The following ZNF407 variants were observed in gnomAD, a reference collection of about 807,000 sequenced individuals.
ZNF407 encodes zinc finger protein 407.
ZNF407 carries 17 observed loss-of-function variants against 131.2 expected under a neutral mutation model. The ratio of observed to expected loss-of-function variants is 0.13; its 90% confidence interval spans 0.09 to 0.19. ZNF407 has a LOEUF of 0.19. Ranked by LOEUF, ZNF407 falls within the 10% of genes least tolerant of loss-of-function variation. The pLI is 1.00. For missense variants in ZNF407, 2,681 were observed against 2,830.6 expected (o/e 0.95, Z 1.20); for synonymous variants, 1,156 against 1,062.0 (o/e 1.09, Z -1.72).
At chr18:74,916,781 A>AGTGTGTGTGTGT (rs375090606) in intron 7 of ZNF407, among the ~76,000 whole-genome samples, 1,586 of 87,962 alleles carry the variant, frequency 0.018, 129 homozygotes, top group African/African-American at 0.07. Flanking sequence ...TCGAATCGGG[A>AGTGTGTGTGTGT]GTGTGTGTGT....
chr18:74,761,574 A>G (rs755191925), intron 3 of ZNF407, among the ~76,000 whole-genome samples: 3 of 152,172 alleles, frequency 2.0e-5, no homozygotes, highest in Non-Finnish European at 4.4e-5. Context: ...TATTTCACCC[A>G]TAGATGCAAG....
chr18:74,719,736 A>T (rs543784071), intron 3 of ZNF407, among the ~76,000 whole-genome samples: 2 of 152,216 alleles, frequency 1.3e-5, no homozygotes, highest in African/African-American at 4.8e-5. Context: ...ATCTTTTTTT[A>T]GCGTCCACAT....
chr18:74,701,065 C>T (rs886197074), intron 3 of ZNF407, among the ~76,000 whole-genome samples: 48 of 152,266 alleles, frequency 3.2e-4, no homozygotes, highest in African/African-American at 1.1e-3. Flanking sequence ...AGCTGTCTCT[C>T]TCCTCCTCCG....
chr18:74,646,500 G>A (rs1413524404), intron 3 of ZNF407, among the ~76,000 whole-genome samples: 2 of 151,964 alleles, frequency 1.3e-5, no homozygotes, highest in East Asian at 1.9e-4. Flanking sequence ...AATATTTTTT[G>A]TTGAATATTT....
Position 74,762,546 on chromosome 18 carries a change from G to T in ZNF407, c.4803-18882G>T, listed in dbSNP as rs9961155. Among the ~76,000 whole-genome samples, 620 of 151,950 alleles carry T rather than the reference G, an allele frequency of 4.1e-3. 4 individuals carry two copies. The highest frequency in any genetic ancestry group is 0.014 in the African/African-American group (582 of 41,460). Reference sequence around the variant, plus strand: ...CAAGATTATGATTATACCCATTACTGCCCCAAATTCCCATTTTTTCCATTG... The same window carrying T: ...CAAGATTATGATTATACCCATTACTTCCCCAAATTCCCATTTTTTCCATTG... On this transcript the variant is annotated intron_variant, in intron 3 of 8. Coordinates refer to ENST00000299687, the MANE Select transcript of ZNF407 (RefSeq NM_017757.3).
chr18:75,028,900 A>G (rs1973203278), intron 8 of ZNF407, among the ~76,000 whole-genome samples: 1 of 152,222 alleles, frequency 6.6e-6, no homozygotes, highest in Non-Finnish European at 1.5e-5. Context: ...TACGTGATGC[A>G]CCCATCTCTT....
intron 8 of ZNF407, among the ~76,000 whole-genome samples, chr18:74,954,060 G>T (rs528316444): frequency 1.3e-5 from 2 of 152,306 alleles, no homozygotes; most frequent in South Asian, 4.1e-4. Context: ...AGTCATTGTG[G>T]TACCTCAATT....
intron 3 of ZNF407, among the ~76,000 whole-genome samples, chr18:74,692,786 C>T (rs1304988101): frequency 6.6e-6 from 1 of 152,094 alleles, no homozygotes; most frequent in Non-Finnish European, 1.5e-5. Context: ...TCTTAGCTCT[C>T]CCCCAGAGAC....
chr18:74,640,577 G>A (rs1373608224), intron 2 of ZNF407, among the ~76,000 whole-genome samples: 3 of 152,096 alleles, frequency 2.0e-5, no homozygotes, highest in Admixed American at 6.6e-5. Flanking sequence ...CAAGGAGGTG[G>A]CCACAGAGAA....
chr18:74,728,375 G>A (rs1328260448), intron 3 of ZNF407, among the ~76,000 whole-genome samples: 1 of 152,196 alleles, frequency 6.6e-6, no homozygotes, highest in Non-Finnish European at 1.5e-5. Context: ...GTCACTTTCT[G>A]TGAGATGGAC....
chr18:74,634,822 C>T lies in ZNF407; in HGVS notation c.3803C>T (p.Thr1268Ile), dbSNP rs1421227718. The T allele has an allele frequency of 6.2e-7, 1 of 1,613,882 alleles. No individual in the cohort carries two copies. Among genetic ancestry groups the T allele is most frequent in the Non-Finnish European group, 8.5e-7 (1 of 1,179,860 alleles). The change falls in exon 2 of 9, where the codon ACA becomes ATA. Residue 1268 changes from threonine to isoleucine, a missense_variant. By Grantham distance (89) the Thr-to-Ile change is moderately conservative. This residue lies in a region of ZNF407 where 1,789 missense variants were observed against 1,748.7 expected (regional missense o/e 1.02). Coordinates refer to ENST00000299687, the MANE Select transcript of ZNF407 (RefSeq NM_017757.3). ...RSAESPVLVV[T>I]RITREQGNLE... is the part of the protein sequence containing the mutation. ...GCTGAAAGCCCTGTGCTCGTTGTGA[C>T]AAGAATAACCAGAGAACAGGGAAAT...
Position 74,622,974 on chromosome 18 carries a change from G to A in ZNF407, c.-53-7993G>A, listed in dbSNP as rs1983598627. Reference sequence around the variant, plus strand: ...TGTGTCAGTGTATCTGAGTGCGTGTGTCAGTGTGAATGTGAGTCCGTGTGT... The same window carrying A: ...TGTGTCAGTGTATCTGAGTGCGTGTATCAGTGTGAATGTGAGTCCGTGTGT... On this transcript the variant is annotated intron_variant, in intron 1 of 8. Coordinates refer to ENST00000299687, the MANE Select transcript of ZNF407 (RefSeq NM_017757.3). Among the ~76,000 whole-genome samples, 3 of 152,168 alleles carry A rather than the reference G, an allele frequency of 2.0e-5. No individual in the cohort carries two copies. The South Asian group carries it at 6.2e-4, about 32-fold the overall frequency.
At chr18:74,877,089 C>T (rs1482826410) in intron 4 of ZNF407, 108 bp from the exon 5 acceptor site, 2 of 931,824 alleles carry the variant, frequency 2.1e-6, no homozygotes, top group East Asian at 4.8e-5. Context: ...GTGCTCCTCG[C>T]AGAGGCTGCG....
chr18:74,732,204 G>A (rs911946347), intron 3 of ZNF407, among the ~76,000 whole-genome samples: 19 of 152,140 alleles, frequency 1.2e-4, no homozygotes, highest in African/African-American at 4.1e-4. Context: ...AATGGGGAAC[G>A]TCAGACTTTT....
chr18:74,721,867 T>C (rs969719171), intron 3 of ZNF407, among the ~76,000 whole-genome samples: 8 of 152,216 alleles, frequency 5.3e-5, no homozygotes, highest in African/African-American at 1.9e-4. Context: ...TCCCCTTTAT[T>C]ATTTAAATAT....
intron 3 of ZNF407, among the ~76,000 whole-genome samples, chr18:74,687,420 T>C (rs960005571): frequency 7.2e-5 from 11 of 152,072 alleles, no homozygotes; most frequent in Non-Finnish European, 1.3e-4. Context: ...AGGAAAGGTG[T>C]AGCATGAGGA....
At chr18:74,733,562 A>G (rs956341996) in intron 3 of ZNF407, among the ~76,000 whole-genome samples, 6 of 152,216 alleles carry the variant, frequency 3.9e-5, no homozygotes, top group Non-Finnish European at 8.8e-5. Context: ...AGGATATTAT[A>G]TCTAGAATCT....
At chr18:74,664,777 T>C (rs909736379) in intron 3 of ZNF407, among the ~76,000 whole-genome samples, 3 of 152,256 alleles carry the variant, frequency 2.0e-5, no homozygotes, top group African/African-American at 7.2e-5. Flanking sequence ...AGAATCCCAG[T>C]GCATCTGTTT....
At chr18:74,898,209 C>G (rs187894119) in intron 7 of ZNF407, 151 of 152,288 alleles carry the variant, frequency 9.9e-4, no homozygotes, top group African/African-American at 3.5e-3. Context: ...ATGCTGCCTT[C>G]TGTGTGGTAG....
Sources: allele counts gnomAD v4.1 joint callset (sites outside exome capture counted in the v4.1 genomes callset), GRCh38; gene constraint gnomAD v4.1.1; regional missense constraint gnomAD v4.1.1; transcripts MANE v1.5; gene names NCBI Gene and HGNC (gene_info 2026-07-23, HGNC 2026-07-21).